VTI1B: variants seen among roughly 807,000 people sequenced by gnomAD.
The protein encoded by VTI1B is vesicle transport through interaction with t-SNAREs homolog 1B.
In VTI1B, 18 loss-of-function variants were observed where a neutral mutation model predicts 28.6. The observed-to-expected ratio is 0.63, with a 90% CI of 0.43 to 0.93. The LOEUF is 0.93. Ranked by LOEUF, VTI1B falls within the 40% of genes least tolerant of loss-of-function variation. VTI1B has a pLI of 0.00. For missense variants in VTI1B, 283 were observed against 297.0 expected, an observed-to-expected ratio of 0.95 and a Z score of 0.35; for synonymous variants, 100 against 107.9, an observed-to-expected ratio of 0.93 and a Z score of 0.46.
chr14:67,647,132 A>G lies in VTI1B; in HGVS notation c.*4253T>C. 1.3e-6 allele frequency: 1 copy of G among 749,122 alleles called. No individual in the cohort carries two copies. Among genetic ancestry groups the G allele is most frequent in the Non-Finnish European group, 2.2e-6 (1 of 454,488 alleles). The allele number at this position is 749,122 out of a possible 1,614,324, so 46.4% of individuals were successfully genotyped here. A position where few individuals can be genotyped will look rare whatever the true frequency, so the allele number is the denominator to read the frequency against. ...CTTTTAAAATACAAAGCAAAAACAT[A>G]CACATAATTTTAAATAGTTCAGAAA... On this transcript the variant is annotated 3_prime_UTR_variant, in exon 6 of 6. Transcript: ENST00000554659.
chr14:67,657,849 A>G (rs1267482919), intron 3 of VTI1B, among the ~76,000 whole-genome samples: 2 of 151,258 alleles, frequency 1.3e-5, no homozygotes, highest in Non-Finnish European at 2.9e-5. Context: ...CCCGGGCACA[A>G]GCAATTCTGC....
At chr14:67,662,206 G>A (rs1373140585) in intron 2 of VTI1B, among the ~76,000 whole-genome samples, 3 of 150,552 alleles carry the variant, frequency 2.0e-5, no homozygotes, top group Non-Finnish European at 4.4e-5. Flanking sequence ...GATTTTAAAA[G>A]ACTGCTTGGG....
chr14:67,665,921 CTGAAA>C (rs1430466430), intron 1 of VTI1B, among the ~76,000 whole-genome samples: 2 of 152,188 alleles, frequency 1.3e-5, no homozygotes, highest in African/African-American at 4.8e-5. Context: ...TATGATGTAA[CTGAAA>C]TGAGCACCAA....
At chr14:67,667,432 A>G (rs2037414692) in intron 1 of VTI1B, among the ~76,000 whole-genome samples, 1 of 152,186 alleles carries the variant, frequency 6.6e-6, no homozygotes, top group South Asian at 2.1e-4. Flanking sequence ...AGCAACAGAG[A>G]TCCCTCTCAA....
At chr14:67,653,078 C>T (rs1054220184) in intron 5 of VTI1B, among the ~76,000 whole-genome samples, 1 of 152,104 alleles carries the variant, frequency 6.6e-6, no homozygotes, top group African/African-American at 2.4e-5. Context: ...CATGAGCCAC[C>T]GCACGGGGCT....
intron 1 of VTI1B, among the ~76,000 whole-genome samples, chr14:67,673,046 C>G (rs1329178909): frequency 6.6e-6 from 1 of 152,252 alleles, no homozygotes; most frequent in Non-Finnish European, 1.5e-5. Context: ...ATTTAAGTCT[C>G]TGTTCAAACG....
chr14:67,657,567 G>A (rs371768699), intron 3 of VTI1B, among the ~76,000 whole-genome samples: 5 of 151,586 alleles, frequency 3.3e-5, no homozygotes, highest in African/African-American at 1.2e-4. Flanking sequence ...GCAGCTCCAA[G>A]TTCTTAGCTG....
At chr14:67,661,141 G>A (rs1308246239) in intron 2 of VTI1B, among the ~76,000 whole-genome samples, 2 of 151,926 alleles carry the variant, frequency 1.3e-5, no homozygotes, top group South Asian at 2.1e-4. Context: ...ATCTGCTCTC[G>A]GGTAGCAAAT....
At chr14:67,664,420 T>C (rs1397106750) in intron 1 of VTI1B, among the ~76,000 whole-genome samples, 1 of 152,212 alleles carries the variant, frequency 6.6e-6, no homozygotes, top group African/African-American at 2.4e-5. Context: ...CGTATGGGGA[T>C]ATGGCCTTTT....
At chr14:67,667,871 A>G (rs7155788) in intron 1 of VTI1B, among the ~76,000 whole-genome samples, 25,508 of 151,978 alleles carry the variant, frequency 0.17, 2,234 homozygotes, top group African/African-American at 0.23. Flanking sequence ...GTGAACCCGG[A>G]AGGCAGAAGT....
At chr14:67,655,322 G>A (rs2037241751) in intron 4 of VTI1B, among the ~76,000 whole-genome samples, 2 of 151,908 alleles carry the variant, frequency 1.3e-5, no homozygotes, top group African/African-American at 4.8e-5. Flanking sequence ...GCAAGACCCT[G>A]TCTCTAAAAA....
chr14:67,671,505 G>A (rs533228490), intron 1 of VTI1B, among the ~76,000 whole-genome samples: 62 of 151,984 alleles, frequency 4.1e-4, no homozygotes, highest in Admixed American at 2.0e-3. Context: ...CAGCCTGGGC[G>A]ACAGAGCAAG....
intron 1 of VTI1B, among the ~76,000 whole-genome samples, chr14:67,664,254 TC>T (rs2037374005): frequency 1.3e-5 from 2 of 152,200 alleles, no homozygotes. Context: ...AACTTGTTTA[TC>T]CTCTCAAACT....
intron 1 of VTI1B, among the ~76,000 whole-genome samples, chr14:67,664,622 G>C (rs866773839): frequency 5.5e-4 from 84 of 151,448 alleles, no homozygotes; most frequent in Admixed American, 3.2e-3. Flanking sequence ...TCAGCCTCCC[G>C]AGCAGCTGGG....
Position 67,651,226 on chromosome 14 carries a change from G to A in VTI1B, c.*159C>T. 1 of 1,396,976 alleles carries A rather than the reference G, an allele frequency of 7.2e-7. No homozygotes were observed. Among genetic ancestry groups the A allele is most frequent in the Non-Finnish European group, 9.6e-7 (1 of 1,046,370 alleles). 86.5% of individuals were successfully genotyped at this position (1,396,976 alleles called of 1,614,324 possible). A position where few individuals can be genotyped will look rare whatever the true frequency, so the allele number is the denominator to read the frequency against. On this transcript the variant is annotated 3_prime_UTR_variant, in exon 6 of 6. Transcript: ENST00000554659. ...GTTGCTGTTGTTCCTTCACATTTAA[G>A]TGGTTTTTCATCTTTCCTCCCTCCT...
At chr14:67,674,313 G>A (rs1429584960) in intron 1 of VTI1B, 62 bp downstream of exon 1, 73 of 1,416,168 alleles carry the variant, frequency 5.2e-5, no homozygotes, top group South Asian at 6.5e-5. Context: ...GAAGGTGGGA[G>A]AATCTTCCTT....
rs115975999 is a variant in VTI1B at position 67,666,041 on chromosome 14, T to C, written c.116-3506A>G. ...TTCCATGGAGCAGTATTGTATTATT[T>C]TGTAATAAGCTGTCCCAAAAGTGCT... On this transcript the variant is annotated intron_variant, in intron 1 of 5. Coordinates refer to ENST00000554659, the MANE Select transcript of VTI1B (RefSeq NM_006370.3). 5.4e-3 allele frequency among the ~76,000 whole-genome samples: 819 copies of C among 152,328 alleles called. 5 individuals are homozygous for C. The highest frequency in any genetic ancestry group is 0.014 in the Middle Eastern group (4 of 294).
In VTI1B at chr14:67,674,598, C is replaced by T; in HGVS notation, c.-109G>A. On this transcript the variant is annotated 5_prime_UTR_variant, in exon 1 of 6. Coordinates refer to ENST00000554659, the MANE Select transcript of VTI1B (RefSeq NM_006370.3). The stretch of plus-strand genomic sequence containing the variant: ...GTGGCCATAACGGCGACCGCCGCAC[C>T]ACCGCCGCCCAGGACGAGGCTCTTC... 6 of 843,154 alleles carry T rather than the reference C, an allele frequency of 7.1e-6. No homozygotes were observed. Among genetic ancestry groups the T allele is most frequent in the Admixed American group, 3.6e-5 (1 of 28,162 alleles). 52.2% of individuals were successfully genotyped at this position (843,154 alleles called of 1,614,324 possible). A position where few individuals can be genotyped will look rare whatever the true frequency, so the allele number is the denominator to read the frequency against.
rs1221485196 is a variant in VTI1B, at chr14:67,650,587, T to C, written c.*798A>G. 7.8e-6 allele frequency: 6 copies of C among 770,514 alleles called. No homozygotes were observed. The South Asian group carries it at 1.0e-4, about 13-fold the overall frequency. The allele number at this position is 770,514 out of a possible 1,614,324, so 47.7% of individuals were successfully genotyped here. A position where few individuals can be genotyped will look rare whatever the true frequency, so the allele number is the denominator to read the frequency against. On this transcript the variant is annotated 3_prime_UTR_variant, in exon 6 of 6. Coordinates refer to ENST00000554659, the MANE Select transcript of VTI1B (RefSeq NM_006370.3). ...TGAGGTGCAAGGGGCTTCCTAAAAA[T>C]AGGTATTTTCTACTATAAAATGGAC...
Sources: gnomAD v4.1 joint callset for allele counts (sites outside exome capture counted in the v4.1 genomes callset) on GRCh38, gnomAD v4.1.1 for gene constraint, MANE v1.5 for transcripts, NCBI Gene and HGNC (gene_info 2026-07-23, HGNC 2026-07-21) for gene names.